Variants in LIMA1 observed in about 807,000 individuals in gnomAD.
LIMA1 encodes the protein LIM domain and actin-binding protein 1.
LIMA1 carries 52 observed loss-of-function variants against 62.6 expected under a neutral mutation model. That is an observed-to-expected ratio of 0.83 (90% CI 0.67 to 1.05). LIMA1 has a LOEUF of 1.05. Ranked by LOEUF, LIMA1 falls within the 50% of genes least tolerant of loss-of-function variation. The probability of loss-of-function intolerance (pLI) is 0.00; values close to 1 mark genes in which losing one functional copy is unlikely to be tolerated. For synonymous variants in LIMA1, 302 were observed against 317.8 expected (o/e 0.95, Z 0.53); for missense variants, 780 against 902.2 (o/e 0.86, Z 1.74).
At chr12:50,198,095 A>AT (rs1401197102) in intron 7 of LIMA1, among the ~76,000 whole-genome samples, 1 of 151,974 alleles carries the variant, frequency 6.6e-6, no homozygotes, top group African/African-American at 2.4e-5. Flanking sequence ...CTATTCTAAT[A>AT]TTTTTTTCTG....
chr12:50,206,957 C>A (rs2016278), intron 4 of LIMA1, among the ~76,000 whole-genome samples: 5,528 of 151,820 alleles, frequency 0.036, 400 homozygotes, highest in East Asian at 0.26. Flanking sequence ...CAGAGTCTCA[C>A]TCCGTCACCC....
chr12:50,280,144 A>ATTTTTTTTTTTTTTTTTTTTTTT (rs71441354), intron 1 of LIMA1, among the ~76,000 whole-genome samples: 4 of 68,310 alleles, frequency 5.9e-5, no homozygotes, highest in African/African-American at 2.4e-4. Flanking sequence ...GGGTAGTAGT[A>ATTTTTTTTTTTTTTTTTTTTTTT]TTTTTTTTTT....
At chr12:50,263,191 A>G (rs973259770) in intron 1 of LIMA1, among the ~76,000 whole-genome samples, 2 of 152,190 alleles carry the variant, frequency 1.3e-5, no homozygotes, top group African/African-American at 2.4e-5. Context: ...CTTGAGAAAG[A>G]TAAGAAGCTT....
intron 1 of LIMA1, chr12:50,249,825 C>T (rs1207566950): frequency 2.6e-5 from 4 of 152,128 alleles, no homozygotes; most frequent in Admixed American, 2.6e-4. Context: ...TAATTCACAG[C>T]TTACCAGAAG....
rs1287430789 is a variant in LIMA1, at chr12:50,192,511, G to C, written c.1081C>G (p.Leu361Val). 1.2e-6 allele frequency: 2 copies of C among 1,614,064 alleles called. No individual in the cohort carries two copies. The highest frequency in any genetic ancestry group is 1.7e-5 in the Admixed American group (1 of 60,000). ...CTGGAGGCTCTGGAATCTGGACTTAGTGGCTTGGGATGGACAGGCTGTTGA... is the reference window on the plus strand; with the variant it reads ...CTGGAGGCTCTGGAATCTGGACTTACTGGCTTGGGATGGACAGGCTGTTGA... ...EVQQPVHPKP[L>V]SPDSRASSLS... The change falls in exon 9 of 11, where the codon CTA becomes GTA. Residue 361 changes from leucine to valine, a missense_variant. By Grantham distance (32) the Leu-to-Val change is conservative. Transcript: ENST00000341247.
intron 2 of LIMA1, among the ~76,000 whole-genome samples, chr12:50,239,479 A>G (rs1402195746): frequency 6.6e-6 from 1 of 152,084 alleles, no homozygotes; most frequent in Non-Finnish European, 1.5e-5. Context: ...CTCTATTAAA[A>G]AGACAAAAAT....
rs1208455139 is a variant in LIMA1 at position 50,177,088 on chromosome 12, A to G, written c.2256T>C (p.Tyr752=). ...GTCACTCTTCATCCTCATCCTCATC[A>G]TAATACCGATTTCTCTTTATCTGTT... ...VEEQIKRNRY[Y]DEDEDEE is the part of the protein sequence containing the mutation. Residue 752 remains tyrosine, a synonymous_variant, in exon 11 of 11, where the codon TAT becomes TAC. Coordinates refer to ENST00000341247, the MANE Select transcript of LIMA1 (RefSeq NM_016357.5). 2.5e-6 allele frequency: 4 copies of G among 1,589,944 alleles called. No individual in the cohort carries two copies. The highest frequency in any genetic ancestry group is 2.6e-6 in the Non-Finnish European group (3 of 1,169,086).
intron 1 of LIMA1, among the ~76,000 whole-genome samples, chr12:50,269,393 G>A (rs1942176234): frequency 1.3e-5 from 2 of 152,118 alleles, no homozygotes; most frequent in Admixed American, 1.3e-4. Flanking sequence ...AGGTTGGCCT[G>A]GAAACAAAAT....
intron 8 of LIMA1, among the ~76,000 whole-genome samples, chr12:50,193,403 C>A (rs1291479737): frequency 6.7e-6 from 1 of 149,826 alleles, no homozygotes; most frequent in Non-Finnish European, 1.5e-5. Context: ...GTCCAGTAAA[C>A]TAGCCTGGGG....
chr12:50,252,024 T>G (rs1359605072), intron 1 of LIMA1, among the ~76,000 whole-genome samples: 1 of 152,228 alleles, frequency 6.6e-6, no homozygotes, highest in African/African-American at 2.4e-5. Flanking sequence ...GCCTGAATGG[T>G]GTACATAATC....
rs368764567 is a variant in LIMA1 at position 50,222,285 on chromosome 12, T to C, written c.366A>G (p.Glu122=). The change falls in exon 4 of 11, where the codon GAA becomes GAG. Residue 122 remains glutamate, a synonymous_variant. Transcript: ENST00000341247. The part of the protein sequence containing the change: ...AASGAKADQE[E]QIHPRSRLRS... Reference sequence around the variant, plus strand: ...TGAGTCTAGATCTGGGGTGGATTTGTTCTTCTTGGTCAGCTTTGGCTCCAG... The same window carrying C: ...TGAGTCTAGATCTGGGGTGGATTTGCTCTTCTTGGTCAGCTTTGGCTCCAG... 20 of 1,614,028 alleles carry C rather than the reference T, an allele frequency of 1.2e-5. No individual in the cohort carries two copies. The highest frequency in any genetic ancestry group is 1.7e-5 in the Non-Finnish European group (20 of 1,180,022).
At chr12:50,240,825 T>C (rs1211611686) in intron 2 of LIMA1, among the ~76,000 whole-genome samples, 2 of 152,034 alleles carry the variant, frequency 1.3e-5, no homozygotes, top group Admixed American at 6.6e-5. Flanking sequence ...GCAAGCAGTG[T>C]GTAGTGTGAG....
intron 8 of LIMA1, among the ~76,000 whole-genome samples, chr12:50,193,581 A>ATATAT (rs1940843914): frequency 7.6e-6 from 1 of 131,984 alleles, no homozygotes; most frequent in African/African-American, 2.9e-5. Context: ...ATATATATAT[A>ATATAT]CATGTATATA....
Position 50,192,465 on chromosome 12 carries a change from GGAGGA to G in LIMA1, c.1122_1126del (p.Pro375GlnfsTer63), listed in dbSNP as rs1940798273. ...TTGCCATCATACCTTCATTGCTTTG[GGAGGA>G]GAACTTTCAGAAAGACTGGAGGCTC... On this transcript the variant is annotated frameshift_variant, in exon 9 of 11. Transcript: ENST00000341247. LOFTEE classifies it high-confidence loss of function. The G allele has an allele frequency of 6.2e-7, 1 of 1,611,622 alleles. No homozygotes were observed. Among genetic ancestry groups the G allele is most frequent in the South Asian group, 1.1e-5 (1 of 91,052 alleles).
At position 50,240,865 on chromosome 12, in the gene LIMA1, C is replaced by G. The variant is rs528456686; in HGVS notation, c.119+7768G>C. On this transcript the variant is annotated intron_variant, in intron 2 of 10. Coordinates refer to ENST00000341247, the MANE Select transcript of LIMA1 (RefSeq NM_016357.5). ...TGCCTGGAACTCAGTCCTGGAGACT[C>G]GAACATTTCAGCAGTCAGAACAAAT... 4.6e-5 allele frequency among the ~76,000 whole-genome samples: 7 copies of G among 151,964 alleles called. 1 individual carries two copies. The highest frequency in any genetic ancestry group is 4.6e-4 in the Admixed American group (7 of 15,252).
chr12:50,258,109 T>A (rs1455548100), intron 1 of LIMA1, among the ~76,000 whole-genome samples: 1 of 152,218 alleles, frequency 6.6e-6, no homozygotes, highest in Non-Finnish European at 1.5e-5. Context: ...GCTCGTCTTG[T>A]ATTTACCATG....
chr12:50,237,889 T>C (rs191762490), intron 2 of LIMA1, among the ~76,000 whole-genome samples: 1 of 152,104 alleles, frequency 6.6e-6, no homozygotes, highest in Non-Finnish European at 1.5e-5. Flanking sequence ...GATAGCCACA[T>C]GCAAAAAAAT....
chr12:50,227,919 G>A (rs913492517), intron 3 of LIMA1, among the ~76,000 whole-genome samples: 10 of 151,142 alleles, frequency 6.6e-5, no homozygotes, highest in Non-Finnish European at 1.5e-4. Context: ...GAGTGCAGTG[G>A]CGCGGTCTTG....
chr12:50,185,538 C>T (rs1940611248), intron 9 of LIMA1: 1 of 449,458 alleles, frequency 2.2e-6, no homozygotes, highest in Non-Finnish European at 4.5e-6. Context: ...AACTCAGAGA[C>T]TCAGATCCAA....
Sources: allele counts gnomAD v4.1 joint callset (sites outside exome capture counted in the v4.1 genomes callset), GRCh38; gene constraint gnomAD v4.1.1; transcripts MANE v1.5; gene names NCBI Gene and HGNC (gene_info 2026-07-23, HGNC 2026-07-21).